The following PPME1 variants were observed in gnomAD, a reference collection of about 807,000 sequenced individuals.
The protein encoded by PPME1 is testicular secretory protein Li 39.
A neutral mutation model predicts 56.9 loss-of-function variants in PPME1; 17 were observed. The observed-to-expected ratio is 0.30, with a 90% confidence interval of 0.20 to 0.45. The LOEUF (loss-of-function observed/expected upper bound fraction) is 0.45, where lower values mean the gene tolerates loss of function less well. Ranked by LOEUF, PPME1 falls within the 20% of genes least tolerant of loss-of-function variation. PPME1 has a pLI of 1.00. For synonymous variants in PPME1, 122 were observed against 156.2 expected, an observed-to-expected ratio of 0.78 and a Z score of 1.63; for missense variants, 357 against 483.2, an observed-to-expected ratio of 0.74 and a Z score of 2.45.
intron 11 of PPME1, chr11:74,248,691 A>G (rs1011413553): frequency 1.3e-5 from 2 of 152,212 alleles, no homozygotes; most frequent in Non-Finnish European, 2.9e-5. Flanking sequence ...GTAATTACCA[A>G]CATGAGTGCC....
chr11:74,204,171 A>G (rs1476022762), intron 2 of PPME1, among the ~76,000 whole-genome samples, 182 bp from the exon 3 acceptor site: 2 of 151,808 alleles, frequency 1.3e-5, no homozygotes, highest in African/African-American at 2.4e-5. Flanking sequence ...TCATTGAACA[A>G]AATGGTCACA....
chr11:74,184,922 T>C (rs866403294), intron 1 of PPME1, among the ~76,000 whole-genome samples: 2 of 151,998 alleles, frequency 1.3e-5, no homozygotes, highest in Middle Eastern at 3.4e-3. Flanking sequence ...TATAAGCAAA[T>C]TGTGACTGGA....
intron 2 of PPME1, among the ~76,000 whole-genome samples, chr11:74,204,146 ATTTT>A (rs1555076989): frequency 7.0e-6 from 1 of 143,232 alleles, no homozygotes. Flanking sequence ...GGCAAAGGGA[ATTTT>A]TTTTTTTTTT....
At chr11:74,242,020 T>C (rs478913) in intron 9 of PPME1, among the ~76,000 whole-genome samples, 1 of 152,236 alleles carries the variant, frequency 6.6e-6, no homozygotes, top group African/African-American at 2.4e-5. Context: ...CTTGTACTTT[T>C]GGTATTATAT....
chr11:74,220,396 C>T (rs1009490755), intron 3 of PPME1, among the ~76,000 whole-genome samples: 2 of 152,080 alleles, frequency 1.3e-5, no homozygotes, highest in East Asian at 1.9e-4. Flanking sequence ...CTGGAGAAGT[C>T]GAAAATGTGT....
chr11:74,182,319 C>G (rs1204622235), intron 1 of PPME1, among the ~76,000 whole-genome samples: 1 of 151,696 alleles, frequency 6.6e-6, no homozygotes, highest in Non-Finnish European at 1.5e-5. Flanking sequence ...ACTGTATTTC[C>G]TCAATTCTAA....
At position 74,225,266 on chromosome 11, in the gene PPME1, C is replaced by T. The variant is rs1263750746; in HGVS notation, c.398+10C>T. 1 of 1,541,640 alleles carries T rather than the reference C, an allele frequency of 6.5e-7. No homozygotes were observed. Among genetic ancestry groups the T allele is most frequent in the Non-Finnish European group, 8.8e-7 (1 of 1,132,806 alleles). ...CAGAAACAATGGCAAAGTAAGTAAC[C>T]AAATATTTCTTATACATTGCCTGTC... On this transcript the variant is annotated intron_variant, in intron 5 of 13. Transcript: ENST00000328257.
At chr11:74,207,019 A>G (rs887868157) in intron 3 of PPME1, among the ~76,000 whole-genome samples, 10 of 152,242 alleles carry the variant, frequency 6.6e-5, no homozygotes, top group South Asian at 4.1e-4. Context: ...TAGAGAGCCA[A>G]TGACAGCATG....
Position 74,237,653 on chromosome 11 carries a change from T to G in PPME1, c.711-1480T>G, listed in dbSNP as rs546564115. 5.1e-4 allele frequency: 78 copies of G among 152,222 alleles called. 1 individual carries two copies. The highest frequency in any genetic ancestry group is 1.9e-3 in the African/African-American group (77 of 41,528). 9.4% of individuals were successfully genotyped at this position (152,222 alleles called of 1,614,324 possible). A position where few individuals can be genotyped will look rare whatever the true frequency, so the allele number is the denominator to read the frequency against. On this transcript the variant is annotated intron_variant, in intron 8 of 13. Transcript: ENST00000328257. Reference sequence around the variant, plus strand: ...CATTAATTCATTTGCACTATCTCATTTAATCCCTACAATACCTCTTTAAGA... The same window carrying G: ...CATTAATTCATTTGCACTATCTCATGTAATCCCTACAATACCTCTTTAAGA...
chr11:74,206,284 G>A (rs993076749), intron 3 of PPME1, among the ~76,000 whole-genome samples: 8 of 152,106 alleles, frequency 5.3e-5, no homozygotes, highest in African/African-American at 1.9e-4. Flanking sequence ...AGGCTTATGA[G>A]TAATTTTCTT....
Position 74,253,760 on chromosome 11 carries a change from G to T in PPME1, c.*250G>T. On this transcript the variant is annotated 3_prime_UTR_variant, in exon 14 of 14. Transcript: ENST00000328257. ...GCTCCTTTCCCTTCCCTGTACTGGG[G>T]TAGCTCCTGCCTGCTCTCCCTGCGT... The T allele has an allele frequency of 1.7e-6, 1 of 582,952 alleles. No homozygotes were observed. Among genetic ancestry groups the T allele is most frequent in the Non-Finnish European group, 3.0e-6 (1 of 327,954 alleles). The allele number at this position is 582,952 out of a possible 1,614,324, so 36.1% of individuals were successfully genotyped here.
intron 1 of PPME1, among the ~76,000 whole-genome samples, chr11:74,179,992 A>G (rs1720493626): frequency 6.6e-6 from 1 of 152,198 alleles, no homozygotes; most frequent in Admixed American, 6.5e-5. Context: ...TGACTCATCA[A>G]TAACTCTCTT....
intron 1 of PPME1, among the ~76,000 whole-genome samples, chr11:74,177,576 A>G (rs557974958): frequency 2.0e-5 from 3 of 151,872 alleles, no homozygotes; most frequent in African/African-American, 7.2e-5. Flanking sequence ...TAATTAGAGG[A>G]TTTATTAATA....
intron 1 of PPME1, among the ~76,000 whole-genome samples, chr11:74,182,910 A>G (rs1857577480): frequency 2.0e-5 from 3 of 151,334 alleles, no homozygotes; most frequent in African/African-American, 4.9e-5. Flanking sequence ...TAATCCCAAC[A>G]CTTTGGGAGG....
Position 74,171,388 on chromosome 11 carries a change from T to C in PPME1, c.-34T>C. The C allele has an allele frequency of 6.3e-7, 1 of 1,590,714 alleles. No individual in the cohort carries two copies. The highest frequency in any genetic ancestry group is 8.6e-7 in the Non-Finnish European group (1 of 1,168,296). On this transcript the variant is annotated 5_prime_UTR_variant, in exon 1 of 14. Transcript: ENST00000328257. ...ACTCAACGTGGGACGAAGCTTCGCCTACTGTTTGACTACGTGCGTGCAGCC... is the reference window on the plus strand; with the variant it reads ...ACTCAACGTGGGACGAAGCTTCGCCCACTGTTTGACTACGTGCGTGCAGCC...
At chr11:74,251,557 T>C in intron 12 of PPME1, 91 bp from the exon 13 acceptor site, 3 of 1,556,964 alleles carry the variant, frequency 1.9e-6, no homozygotes, top group South Asian at 2.5e-5. Context: ...GAGGGCACCG[T>C]AGAGCCTAAC....
chr11:74,242,222 A>T lies in PPME1; in HGVS notation c.834+2966A>T, dbSNP rs114141925. Among the ~76,000 whole-genome samples, 1,395 of 152,310 alleles carry T rather than the reference A, an allele frequency of 9.2e-3. 20 individuals carry two copies. The highest frequency in any genetic ancestry group is 0.032 in the African/African-American group (1,313 of 41,570). On this transcript the variant is annotated intron_variant, in intron 9 of 13. Transcript: ENST00000328257. ...TAAACAGCCTGTCCCAGCTCCATTT[A>T]TTGAAAAGGCTCCTTTTTCCCCATT...
intron 1 of PPME1, among the ~76,000 whole-genome samples, chr11:74,184,989 CTTTTTT>C (rs559947122): frequency 8.4e-5 from 8 of 95,716 alleles, no homozygotes; most frequent in African/African-American, 2.2e-4. Context: ...TGAAGTATGT[CTTTTTT>C]TTTTTTTTTT....
chr11:74,252,676 A>C, intron 13 of PPME1: 1 of 367,240 alleles, frequency 2.7e-6, no homozygotes, highest in Non-Finnish European at 5.5e-6. Context: ...ACCTGATAAC[A>C]GTAGTACCCC....
Sources: allele counts gnomAD v4.1 joint callset (sites outside exome capture counted in the v4.1 genomes callset), GRCh38; gene constraint gnomAD v4.1.1; transcripts MANE v1.5; gene names NCBI Gene and HGNC (gene_info 2026-07-23, HGNC 2026-07-21).